Variants in WDR76 observed in about 807,000 individuals in gnomAD.
WDR76 encodes WD repeat-containing protein 76.
A neutral mutation model predicts 70.2 loss-of-function variants in WDR76; 52 were observed. That is an observed-to-expected ratio of 0.74 (90% CI 0.59 to 0.93). The LOEUF (loss-of-function observed/expected upper bound fraction) is 0.93, where lower values mean the gene tolerates loss of function less well. WDR76 is among the 40% of genes least tolerant of loss of function. WDR76 has a pLI of 0.00. For missense variants in WDR76, 756 were observed against 760.2 expected, an observed-to-expected ratio of 0.99 and a Z score of 0.07; for synonymous variants, 292 against 271.1, an observed-to-expected ratio of 1.08 and a Z score of -0.76.
intron 11 of WDR76, 102 bp from the exon 12 acceptor site, chr15:43,861,231 A>G (rs1370308064): frequency 2.0e-6 from 2 of 1,016,896 alleles, no homozygotes; most frequent in African/African-American, 1.6e-5. Flanking sequence ...ACAGTTATAT[A>G]TTTCATACCA....
chr15:43,836,359 G>A (rs2087656627), intron 4 of WDR76, 143 bp downstream of exon 4: 1 of 531,302 alleles, frequency 1.9e-6, no homozygotes. Flanking sequence ...CTGAGGGAAT[G>A]CTACCCTTTA....
At chr15:43,856,274 G>A (rs2087925697) in intron 9 of WDR76, among the ~76,000 whole-genome samples, 1 of 151,938 alleles carries the variant, frequency 6.6e-6, no homozygotes. Flanking sequence ...AAATTACTGG[G>A]TCAAAAAGTA....
At chr15:43,840,589 T>G (rs962661660) in intron 5 of WDR76, among the ~76,000 whole-genome samples, 2 of 152,190 alleles carry the variant, frequency 1.3e-5, no homozygotes, top group Non-Finnish European at 2.9e-5. Flanking sequence ...TAGCACTAAT[T>G]AGGCTGGTGT....
At chr15:43,832,646 A>G (rs2087604112) in intron 2 of WDR76, among the ~76,000 whole-genome samples, 1 of 149,136 alleles carries the variant, frequency 6.7e-6, no homozygotes, top group Non-Finnish European at 1.5e-5. Context: ...AGGTTTCACC[A>G]TGGTGGCTAG....
chr15:43,840,466 G>A (rs1297225573), intron 5 of WDR76, among the ~76,000 whole-genome samples: 2 of 152,132 alleles, frequency 1.3e-5, no homozygotes, highest in Non-Finnish European at 2.9e-5. Context: ...ACGTGATAAT[G>A]TGTAGTTTTA....
At position 43,851,078 on chromosome 15, in the gene WDR76, C is replaced by T. The variant is rs2087851863; in HGVS notation, c.1033-9C>T. On this transcript the variant is annotated splice_polypyrimidine_tract_variant and intron_variant, in intron 8 of 12. Coordinates refer to ENST00000263795, the MANE Select transcript of WDR76 (RefSeq NM_024908.4). ...TTTCTCTCTCCCCTTTCCCGCAACT[C>T]TCTTCCAGACCCAGCAACCTAAAGA... The T allele has an allele frequency of 1.2e-6, 2 of 1,612,228 alleles. No individual in the cohort carries two copies. The highest frequency in any genetic ancestry group is 2.2e-5 in the South Asian group (2 of 90,694).
Position 43,828,385 on chromosome 15 carries a change from G to C in WDR76, c.462+19G>C. ...ATCCCTGGTAAGAACTTAATTAGTA[G>C]CTTGTTCTGGTTTCTCTTTTTTGAA... is the stretch of plus-strand genomic sequence containing the variant. On this transcript the variant is annotated intron_variant, in intron 2 of 12. Coordinates refer to ENST00000263795, the MANE Select transcript of WDR76 (RefSeq NM_024908.4). 1 of 1,562,898 alleles carries C rather than the reference G, an allele frequency of 6.4e-7. No homozygotes were observed. Among genetic ancestry groups the C allele is most frequent in the East Asian group, 2.3e-5 (1 of 44,344 alleles).
At chr15:43,848,484 A>G (rs891901964) in intron 8 of WDR76, among the ~76,000 whole-genome samples, 5 of 152,168 alleles carry the variant, frequency 3.3e-5, no homozygotes, top group African/African-American at 1.2e-4. Context: ...CCTCTTTTCA[A>G]TGAGGAATGG....
At chr15:43,838,650 C>T (rs528764) in intron 4 of WDR76, among the ~76,000 whole-genome samples, 123,272 of 152,210 alleles carry the variant, frequency 0.81, 50,273 homozygotes, top group East Asian at 1. Context: ...CATGTTGATG[C>T]GCACAGCTTT....
intron 12 of WDR76, among the ~76,000 whole-genome samples, chr15:43,863,436 T>C (rs2088029499): frequency 6.6e-6 from 1 of 152,082 alleles, no homozygotes; most frequent in Non-Finnish European, 1.5e-5. Context: ...ACTATAGTCA[T>C]CCTGATGTAC....
chr15:43,843,845 A>G, intron 7 of WDR76, 56 bp from the exon 8 acceptor site: 1 of 1,414,320 alleles, frequency 7.1e-7, no homozygotes, highest in East Asian at 2.5e-5. Context: ...TCTTTTACTT[A>G]TTTTGACTAT....
At position 43,843,927 on chromosome 15, in the gene WDR76, T is replaced by C. The variant is rs1219259908; in HGVS notation, c.905T>C (p.Val302Ala). The C allele has an allele frequency of 5.6e-6, 9 of 1,594,770 alleles. No homozygotes were observed. The highest frequency in any genetic ancestry group is 3.4e-5 in the South Asian group (3 of 87,374). The part of the protein sequence containing the change: ...KSYKANLNGM[V>A]ISEDTVYKVT... The stretch of plus-strand genomic sequence containing the variant: ...TACAAAGCCAATTTAAATGGCATGG[T>C]CATTAGTGAAGATACCGTTTACAAA... The change falls in exon 8 of 13, where the codon GTC becomes GCC. Residue 302 changes from valine (V) to alanine (A), a missense_variant. Transcript: ENST00000263795.
intron 4 of WDR76, among the ~76,000 whole-genome samples, chr15:43,836,834 T>G (rs1001697497): frequency 3.3e-5 from 5 of 150,230 alleles, no homozygotes; most frequent in African/African-American, 1.2e-4. Context: ...AGTTCAAGAC[T>G]GGCCTGACCA....
At chr15:43,856,344 C>T (rs981211890) in intron 9 of WDR76, among the ~76,000 whole-genome samples, 6 of 152,148 alleles carry the variant, frequency 3.9e-5, no homozygotes, top group East Asian at 1.9e-4. Context: ...TATATATTTA[C>T]TCTTCTACTG....
At chr15:43,840,811 C>G (rs1008959979) in intron 5 of WDR76, among the ~76,000 whole-genome samples, 7 of 151,842 alleles carry the variant, frequency 4.6e-5, no homozygotes, top group African/African-American at 1.2e-4. Flanking sequence ...AGACCCTGTT[C>G]TTACAAAAAA....
chr15:43,838,712 A>G (rs1196635694), intron 4 of WDR76, among the ~76,000 whole-genome samples: 2 of 151,976 alleles, frequency 1.3e-5, no homozygotes, highest in African/African-American at 4.8e-5. Flanking sequence ...AATGTACTAC[A>G]TTTTATTCTA....
At chr15:43,865,976 A>G in intron 12 of WDR76, 152 bp from the exon 13 acceptor site, 2 of 850,652 alleles carry the variant, frequency 2.4e-6, no homozygotes, top group Admixed American at 2.8e-5. Flanking sequence ...TCCTGTAAGG[A>G]TGAGGTAAGG....
chr15:43,850,778 A>G (rs2087848188), intron 8 of WDR76, among the ~76,000 whole-genome samples: 1 of 152,222 alleles, frequency 6.6e-6, no homozygotes, highest in Admixed American at 6.6e-5. Flanking sequence ...CATGTGTGAA[A>G]TAGAGTAGAT....
chr15:43,846,082 T>C (rs1042592952), intron 8 of WDR76, among the ~76,000 whole-genome samples: 1 of 149,154 alleles, frequency 6.7e-6, no homozygotes, highest in African/African-American at 2.4e-5. Context: ...AAGAGATGAG[T>C]TTCAAGGATG....
Sources: allele counts gnomAD v4.1 joint callset (sites outside exome capture counted in the v4.1 genomes callset), GRCh38; gene constraint gnomAD v4.1.1; transcripts MANE v1.5; gene names NCBI Gene and HGNC (gene_info 2026-07-23, HGNC 2026-07-21).